BACH1: variants seen among roughly 807,000 people sequenced by gnomAD.
BACH1 encodes transcription regulator protein BACH1.
A neutral mutation model predicts 52.9 loss-of-function variants in BACH1; 35 were observed. The observed-to-expected ratio is 0.66, with a 90% CI of 0.51 to 0.88. The LOEUF is 0.88. Among genes scored for constraint, BACH1 ranks in the 40% least tolerant of loss-of-function variants. The probability of loss-of-function intolerance (pLI) is 0.00; values close to 1 mark genes in which losing one functional copy is unlikely to be tolerated. For synonymous variants in BACH1, 321 were observed against 319.6 expected, an observed-to-expected ratio of 1.00 and a Z score of -0.05; for missense variants, 808 against 872.6, an observed-to-expected ratio of 0.93 and a Z score of 0.93.
At chr21:29,341,341 T>C (rs1039135558) in intron 4 of BACH1, among the ~76,000 whole-genome samples, 3 of 152,150 alleles carry the variant, frequency 2.0e-5, no homozygotes, top group Admixed American at 2.0e-4. Flanking sequence ...AACACTGACT[T>C]GTTGAGAGTT....
At chr21:29,347,922 A>G (rs2089179339), downstream of BACH1, among the ~76,000 whole-genome samples, 1 of 152,244 alleles carries the variant, frequency 6.6e-6, no homozygotes, top group Non-Finnish European at 1.5e-5. Context: ...ATAAAATGCT[A>G]GCAACATAAT....
chr21:29,314,360 T>G (rs1362764186), intron 1 of BACH1, among the ~76,000 whole-genome samples: 1 of 152,228 alleles, frequency 6.6e-6, no homozygotes, highest in African/African-American at 2.4e-5. Context: ...TTTTGAGCTT[T>G]GAGGAGTCTA....
At chr21:29,340,703 T>C (rs1415662807) in intron 4 of BACH1, among the ~76,000 whole-genome samples, 3 of 152,236 alleles carry the variant, frequency 2.0e-5, no homozygotes, top group African/African-American at 7.2e-5. Flanking sequence ...AGAAAGATTC[T>C]TTCTCACTTT....
At chr21:29,358,770 A>AAAAGAAAAGAAAG (rs1409780180) in intron 2 of BACH1, among the ~76,000 whole-genome samples, 2,446 of 108,736 alleles carry the variant, frequency 0.022, 32 homozygotes, top group Non-Finnish European at 0.027. Context: ...AAAAGAAAAG[A>AAAAGAAAAGAAAG]AAAGAAAGAA....
At chr21:29,357,296 G>A (rs537420160) in intron 2 of BACH1, among the ~76,000 whole-genome samples, 6 of 152,142 alleles carry the variant, frequency 3.9e-5, no homozygotes, top group Admixed American at 6.5e-5. Flanking sequence ...GTGAACTTCC[G>A]TCGGTATATA....
chr21:29,330,373 G>A (rs1828895938), intron 4 of BACH1, among the ~76,000 whole-genome samples: 1 of 151,924 alleles, frequency 6.6e-6, no homozygotes, highest in African/African-American at 2.4e-5. Flanking sequence ...GTAGAGATGG[G>A]GTTTCACTGT....
chr21:29,329,837 T>C, intron 4 of BACH1, 144 bp downstream of exon 4: 1 of 607,850 alleles, frequency 1.6e-6, no homozygotes, highest in South Asian at 3.5e-5. Context: ...ATTTTTACCA[T>C]GATATGCTGT....
Position 29,328,561 on chromosome 21 carries a change from T to C in BACH1, c.1570-926T>C, listed in dbSNP as rs551284799. On this transcript the variant is annotated intron_variant, in intron 3 of 4. Transcript: ENST00000286800. ...CTTTATTTGTTTTTTGTAAGAATAC[T>C]TAACATGGGATCTACCCTTATAACA... 2.3e-4 allele frequency among the ~76,000 whole-genome samples: 35 copies of C among 152,308 alleles called. No individual in the cohort carries two copies. The East Asian group carries it at 4.2e-3, about 18-fold the overall frequency.
At position 29,327,282 on chromosome 21, in the gene BACH1, A is replaced by G. The variant is rs2088925154; in HGVS notation, c.1458A>G (p.Glu486=). ...LEIGNDDYVS[E]PQQEPCPYAC... ...TTGGAAACGATGATTATGTTTCAGA[A>G]CCCCAGCAAGAACCTTGCCCATATG... The change falls in exon 3 of 5, where the codon GAA becomes GAG. Residue 486 remains glutamate (E), a synonymous_variant. Transcript: ENST00000286800. The G allele has an allele frequency of 1.2e-6, 2 of 1,614,060 alleles. No homozygotes were observed. Among genetic ancestry groups the G allele is most frequent in the South Asian group, 2.2e-5 (2 of 91,090 alleles).
chr21:29,337,987 A>G (rs1036202191), intron 4 of BACH1, among the ~76,000 whole-genome samples: 1 of 152,206 alleles, frequency 6.6e-6, no homozygotes, highest in African/African-American at 2.4e-5. Context: ...GGTGCAGCAC[A>G]CTAACATGGC....
At chr21:29,306,169 AGTGT>A (rs61571512) in intron 1 of BACH1, among the ~76,000 whole-genome samples, 28,453 of 141,036 alleles carry the variant, frequency 0.2, 3,419 homozygotes, top group African/African-American at 0.35. Flanking sequence ...GGTCAGGAAG[AGTGT>A]GTGTGTGTGT....
At position 29,321,258 on chromosome 21, in the gene BACH1, C is replaced by A. The variant is rs747863102; in HGVS notation, c.-23C>A. On this transcript the variant is annotated 5_prime_UTR_variant, in exon 2 of 5. Coordinates refer to ENST00000286800, the MANE Select transcript of BACH1 (RefSeq NM_001186.4). Reference sequence around the variant, plus strand: ...TAGAAGCATGCTTTCCACTGAACTTCCCGACAACATTTGTTATGCAGAATG... The same window carrying A: ...TAGAAGCATGCTTTCCACTGAACTTACCGACAACATTTGTTATGCAGAATG... The A allele has an allele frequency of 6.3e-7, 1 of 1,584,998 alleles. No individual in the cohort carries two copies. Among genetic ancestry groups the A allele is most frequent in the South Asian group, 1.1e-5 (1 of 90,500 alleles).
intron 2 of BACH1, among the ~76,000 whole-genome samples, chr21:29,355,752 G>A (rs2089230150): frequency 6.6e-6 from 1 of 152,216 alleles, no homozygotes; most frequent in African/African-American, 2.4e-5. Context: ...GGGTCCGAAG[G>A]CGAGTAATAG....
rs766868523 is a variant in BACH1 at position 29,329,515 on chromosome 21, T to C, written c.1598T>C (p.Ile533Thr). 1 of 1,592,490 alleles carries C rather than the reference T, an allele frequency of 6.3e-7. No homozygotes were observed. The highest frequency in any genetic ancestry group is 1.7e-4 in the Middle Eastern group (1 of 5,980). ...EVKLPFNAQR[I>T]ISLSRNDFQS... ...AAACTGCCATTCAATGCACAACGGA[T>C]AATTTCACTGTCTCGAAATGATTTT... Residue 533 changes from isoleucine (I) to threonine (T), a missense_variant, in exon 4 of 5, where the codon ATA (isoleucine) becomes ACA (threonine). Coordinates refer to ENST00000286800, the MANE Select transcript of BACH1 (RefSeq NM_001186.4).
chr21:29,342,473 A>G lies in BACH1; in HGVS notation c.1851A>G (p.Leu617=). ...LSTLGETKQN[L]TGLCQKVCKE... Reference sequence around the variant, plus strand: ...CTCTGGGTGAGACAAAGCAGAACCTAACTGGACTTTGCCAGAAAGTTTGTA... The same window carrying G: ...CTCTGGGTGAGACAAAGCAGAACCTGACTGGACTTTGCCAGAAAGTTTGTA... The change falls in exon 5 of 5, where the codon CTA becomes CTG. Residue 617 remains leucine (L), a synonymous_variant. Transcript: ENST00000286800. The G allele has an allele frequency of 6.2e-7, 1 of 1,614,234 alleles. No homozygotes were observed. The highest frequency in any genetic ancestry group is 2.2e-5 in the East Asian group (1 of 44,892).
chr21:29,302,811 C>A (rs2088617923), intron 1 of BACH1, among the ~76,000 whole-genome samples: 1 of 152,192 alleles, frequency 6.6e-6, no homozygotes, highest in Non-Finnish European at 1.5e-5. Flanking sequence ...ACCCGGGGAA[C>A]ACTCTTATGT....
Position 29,321,460 on chromosome 21 carries a change from C to G in BACH1, c.180C>G (p.His60Gln). 6.2e-7 allele frequency: 1 copy of G among 1,614,206 alleles called. No homozygotes were observed. Among genetic ancestry groups the G allele is most frequent in the Non-Finnish European group, 8.5e-7 (1 of 1,180,054 alleles). The change falls in exon 2 of 5, where the codon CAC becomes CAG. Residue 60 changes from histidine to glutamine, a missense_variant. Physicochemically the swap from His to Gln is conservative, Grantham distance 24 (BLOSUM62 0). Transcript: ENST00000286800. ...TGGCGGCATGCAGCAGTTACTTCCA[C>G]TCAAGAATCGTAGGCCAGGCTGATG... is the stretch of plus-strand genomic sequence containing the variant. Reference protein sequence around the residue: ...SVLAACSSYFHSRIVGQADGE... With the variant: ...SVLAACSSYFQSRIVGQADGE...
intron 2 of BACH1, among the ~76,000 whole-genome samples, chr21:29,325,445 A>G (rs756989994): frequency 1.2e-4 from 19 of 152,278 alleles, no homozygotes; most frequent in Non-Finnish European, 2.6e-4. Flanking sequence ...TTTTGCTGAA[A>G]CAGTACCGAG....
intron 4 of BACH1, among the ~76,000 whole-genome samples, chr21:29,335,599 C>T (rs890820186): frequency 3.3e-5 from 5 of 152,180 alleles, no homozygotes; most frequent in Non-Finnish European, 4.4e-5. Context: ...TGAATGGGTA[C>T]CATAAGCAAC....
Sources: gnomAD v4.1 joint callset for allele counts (sites outside exome capture counted in the v4.1 genomes callset) on GRCh38, gnomAD v4.1.1 for gene constraint, MANE v1.5 for transcripts, NCBI Gene and HGNC (gene_info 2026-07-23, HGNC 2026-07-21) for gene names.